Variants in FAXC observed in about 807,000 individuals in gnomAD.
FAXC encodes failed axon connections homolog.
Under a neutral mutation model 41.9 loss-of-function variants are expected in FAXC, and 10 were observed. That is an observed-to-expected ratio of 0.24 (90% CI 0.15 to 0.41). The LOEUF is 0.41. Ranked by LOEUF, FAXC falls within the 10% of genes least tolerant of loss-of-function variation. FAXC has a pLI of 1.00. For synonymous variants in FAXC, 183 were observed against 183.8 expected (o/e 1.00, Z 0.03); for missense variants, 399 against 510.9 (o/e 0.78, Z 2.11).
Position 99,349,415 on chromosome 6 carries a change from G to GC in FAXC, c.-44dup. 1 of 1,500,644 alleles carries GC rather than the reference G, an allele frequency of 6.7e-7. No homozygotes were observed. The highest frequency in any genetic ancestry group is 8.9e-7 in the Non-Finnish European group (1 of 1,129,300). 93.0% of individuals were successfully genotyped at this position (1,500,644 alleles called of 1,614,324 possible). On this transcript the variant is annotated 5_prime_UTR_variant, in exon 1 of 6. Transcript: ENST00000389677. ...GGGCGCCCCTCCCAGGGCCCGCGCC[G>GC]CCCGCATGGGAAGGGGCCGGCGCGG...
In FAXC at chr6:99,309,871, A is replaced by G. The variant is rs1772091529; in HGVS notation, c.823+13573T>C. ...ATCAATACAGGTAAAGTTAAAATTTATGGTTTTCAGGTCAAATTATTATTC... is the reference window on the plus strand; with the variant it reads ...ATCAATACAGGTAAAGTTAAAATTTGTGGTTTTCAGGTCAAATTATTATTC... On this transcript the variant is annotated intron_variant, in intron 4 of 5. Transcript: ENST00000389677. 4 of 980,704 alleles carry G rather than the reference A, an allele frequency of 4.1e-6. No homozygotes were observed. The Admixed American group carries it at 2.5e-4, about 60-fold the overall frequency. 60.8% of individuals were successfully genotyped at this position (980,704 alleles called of 1,614,324 possible).
intron 4 of FAXC, among the ~76,000 whole-genome samples, chr6:99,298,390 C>T (rs1253322597): frequency 6.6e-6 from 1 of 152,086 alleles, no homozygotes; most frequent in Non-Finnish European, 1.5e-5. Context: ...TTTAAAAACA[C>T]TAACTCAAGT....
At chr6:99,315,101 C>G (rs1772290697) in intron 4 of FAXC, among the ~76,000 whole-genome samples, 1 of 151,480 alleles carries the variant, frequency 6.6e-6, no homozygotes, top group African/African-American at 2.4e-5. Context: ...AGGTGTGGTG[C>G]CGCACACCTG....
intron 3 of FAXC, among the ~76,000 whole-genome samples, chr6:99,324,940 G>A (rs143332908): frequency 0.01 from 1,593 of 152,208 alleles, 23 homozygotes; most frequent in African/African-American, 0.036. Flanking sequence ...CCAGCTACTC[G>A]AGAGGGCAAG....
chr6:99,309,131 A>T (rs965122464), intron 4 of FAXC, among the ~76,000 whole-genome samples: 1 of 152,182 alleles, frequency 6.6e-6, no homozygotes, highest in East Asian at 1.9e-4. Flanking sequence ...TTCACCTCTA[A>T]CACATAAACA....
At chr6:99,310,948 C>A (rs191979899) in intron 4 of FAXC, among the ~76,000 whole-genome samples, 1 of 152,152 alleles carries the variant, frequency 6.6e-6, no homozygotes, top group Non-Finnish European at 1.5e-5. Context: ...TCTAATTAAA[C>A]AGAGTAGGAA....
At chr6:99,331,948 C>T (rs1773041963) in intron 3 of FAXC, among the ~76,000 whole-genome samples, 1 of 152,170 alleles carries the variant, frequency 6.6e-6, no homozygotes, top group Admixed American at 6.5e-5. Context: ...GGGAGGGGAG[C>T]CCCAACAGTT....
chr6:99,316,261 G>C (rs1443007412), intron 4 of FAXC, among the ~76,000 whole-genome samples: 1 of 151,002 alleles, frequency 6.6e-6, no homozygotes, highest in Non-Finnish European at 1.5e-5. Flanking sequence ...ATCTTGTGTT[G>C]GTGCTCGGAG....
At chr6:99,312,906 C>T (rs1158930464) in intron 4 of FAXC, among the ~76,000 whole-genome samples, 2 of 152,288 alleles carry the variant, frequency 1.3e-5, no homozygotes, top group East Asian at 3.9e-4. Flanking sequence ...GCTGATACTC[C>T]TTCATATTAT....
chr6:99,280,765 AT>A lies in FAXC; in HGVS notation c.*398del. On this transcript the variant is annotated 3_prime_UTR_variant, in exon 6 of 6. Transcript: ENST00000389677. ...AAACATTTTTCTGATGATATCTCTC[AT>A]TACTTCAAATCCTGGTGGAGGAAGG... 5.2e-6 allele frequency: 1 copy of A among 193,116 alleles called. No homozygotes were observed. The highest frequency in any genetic ancestry group is 1.1e-5 in the Non-Finnish European group (1 of 92,424). 12.0% of individuals were successfully genotyped at this position (193,116 alleles called of 1,614,324 possible).
At chr6:99,315,000 G>A (rs1013008053) in intron 4 of FAXC, among the ~76,000 whole-genome samples, 5 of 151,918 alleles carry the variant, frequency 3.3e-5, no homozygotes, top group African/African-American at 1.2e-4. Flanking sequence ...CTGGGAAGCC[G>A]AGGCAGGTGG....
chr6:99,290,516 A>G (rs2128449402), intron 5 of FAXC, among the ~76,000 whole-genome samples: 1 of 151,996 alleles, frequency 6.6e-6, no homozygotes, highest in South Asian at 2.1e-4. Context: ...AGCCTGACCG[A>G]CATGGCAAAA....
At chr6:99,285,792 G>A (rs1051828683) in intron 5 of FAXC, among the ~76,000 whole-genome samples, 1 of 152,136 alleles carries the variant, frequency 6.6e-6, no homozygotes, top group African/African-American at 2.4e-5. Flanking sequence ...GAACCTTTCT[G>A]TTAAAGTTTC....
At chr6:99,324,715 G>C (rs1388579143) in intron 3 of FAXC, among the ~76,000 whole-genome samples, 4 of 152,268 alleles carry the variant, frequency 2.6e-5, no homozygotes, top group African/African-American at 9.6e-5. Flanking sequence ...ATGGCTAATA[G>C]TGCTGGTAGA....
intron 5 of FAXC, among the ~76,000 whole-genome samples, chr6:99,286,817 AT>A (rs59813856): frequency 1.4e-3 from 215 of 152,318 alleles, no homozygotes; most frequent in African/African-American, 5.0e-3. Flanking sequence ...TAAAACTGAG[AT>A]TTTTTTCAGT....
In FAXC at chr6:99,279,376, A is replaced by T. The variant is rs899243645; in HGVS notation, c.*1788T>A. The T allele has an allele frequency of 2.0e-5, 3 of 152,200 alleles. No individual in the cohort carries two copies. The highest frequency in any genetic ancestry group is 7.2e-5 in the African/African-American group (3 of 41,452). The allele number at this position is 152,200 out of a possible 1,614,324, so 9.4% of individuals were successfully genotyped here. A position where few individuals can be genotyped will look rare whatever the true frequency, so the allele number is the denominator to read the frequency against. Reference sequence around the variant, plus strand: ...CTACACAATTGCTTAAGTGGTAAGCAGTCTGAAAAACTCTCCTCCCTTTAC... The same window carrying T: ...CTACACAATTGCTTAAGTGGTAAGCTGTCTGAAAAACTCTCCTCCCTTTAC... On this transcript the variant is annotated 3_prime_UTR_variant, in exon 6 of 6. Coordinates refer to ENST00000389677, the MANE Select transcript of FAXC (RefSeq NM_032511.4).
At chr6:99,308,786 T>C (rs758580757) in intron 4 of FAXC, among the ~76,000 whole-genome samples, 1 of 152,196 alleles carries the variant, frequency 6.6e-6, no homozygotes, top group South Asian at 2.1e-4. Flanking sequence ...TGTGTATCCA[T>C]AAAAATATGT....
rs1770765091 is a variant in FAXC at position 99,279,959 on chromosome 6, T to C, written c.*1205A>G. The C allele has an allele frequency of 6.6e-6, 1 of 152,342 alleles. No individual in the cohort carries two copies. Among genetic ancestry groups the C allele is most frequent in the Non-Finnish European group, 1.5e-5 (1 of 68,030 alleles). The allele number at this position is 152,342 out of a possible 1,614,324, so 9.4% of individuals were successfully genotyped here. On this transcript the variant is annotated 3_prime_UTR_variant, in exon 6 of 6. Coordinates refer to ENST00000389677, the MANE Select transcript of FAXC (RefSeq NM_032511.4). ...TCTTTTCAATACATCTTTGCAAGGT[T>C]TGTTTTCAAAAAGACATTACAAGTT... is the stretch of plus-strand genomic sequence containing the variant.
At position 99,279,947 on chromosome 6, in the gene FAXC, T is replaced by C. The variant is rs1487783619; in HGVS notation, c.*1217A>G. On this transcript the variant is annotated 3_prime_UTR_variant, in exon 6 of 6. Coordinates refer to ENST00000389677, the MANE Select transcript of FAXC (RefSeq NM_032511.4). ...CTTGCTACTTCATCTTTTCAATACATCTTTGCAAGGTTTGTTTTCAAAAAG... is the reference window on the plus strand; with the variant it reads ...CTTGCTACTTCATCTTTTCAATACACCTTTGCAAGGTTTGTTTTCAAAAAG... 6.6e-6 allele frequency: 1 copy of C among 152,242 alleles called. No homozygotes were observed. Among genetic ancestry groups the C allele is most frequent in the Non-Finnish European group, 1.5e-5 (1 of 68,052 alleles). The allele number at this position is 152,242 out of a possible 1,614,324, so 9.4% of individuals were successfully genotyped here.
Sources: gnomAD v4.1 joint callset for allele counts (sites outside exome capture counted in the v4.1 genomes callset) on GRCh38, gnomAD v4.1.1 for gene constraint, MANE v1.5 for transcripts, NCBI Gene and HGNC (gene_info 2026-07-23, HGNC 2026-07-21) for gene names.